Variants in RALGAPA1 observed in about 807,000 individuals in gnomAD.
RALGAPA1 encodes the protein ral GTPase-activating protein subunit alpha-1.
Under a neutral mutation model 269.6 loss-of-function variants are expected in RALGAPA1, and 52 were observed. That is an observed-to-expected ratio of 0.19 (90% confidence interval 0.15 to 0.24). The LOEUF is 0.24. Ranked by LOEUF, RALGAPA1 falls within the 10% of genes least tolerant of loss-of-function variation. RALGAPA1 has a pLI of 1.00. For synonymous variants in RALGAPA1, 817 were observed against 1,008.3 expected, an observed-to-expected ratio of 0.81 and a Z score of 3.60; for missense variants, 1,917 against 3,013.9, an observed-to-expected ratio of 0.64 and a Z score of 8.52.
chr14:35,673,107 A>G, intron 24 of RALGAPA1, 85 bp from the exon 25 acceptor site: 2 of 1,251,462 alleles, frequency 1.6e-6, no homozygotes, highest in Non-Finnish European at 2.1e-6. Flanking sequence ...CAAACGATGT[A>G]TATAATCTCA....
At chr14:35,756,932 A>G in intron 6 of RALGAPA1, 24 bp from the exon 7 acceptor site, 1 of 1,525,076 alleles carries the variant, frequency 6.6e-7, no homozygotes, top group South Asian at 1.4e-5. Context: ...AAAGAATAGT[A>G]TATAGTTACA....
At chr14:35,692,211 T>A (rs912402589) in intron 17 of RALGAPA1, among the ~76,000 whole-genome samples, 7 of 152,110 alleles carry the variant, frequency 4.6e-5, no homozygotes, top group Non-Finnish European at 8.8e-5. Context: ...CTATAAGAAT[T>A]CTTACGAATT....
Position 35,570,630 on chromosome 14 carries a change from A to C in RALGAPA1, c.7483T>G (p.Leu2495Val). 1 of 1,604,452 alleles carries C rather than the reference A, an allele frequency of 6.2e-7. No individual in the cohort carries two copies. Among genetic ancestry groups the C allele is most frequent in the Non-Finnish European group, 8.5e-7 (1 of 1,177,404 alleles). ...AAAAAAGGATACAAGTTTTGATACA[A>C]TGGAATCAGAGATTTCAGAGCACGG... Reference protein sequence around the residue: ...ASRALKSLIPLYQNFYEERAR... With the variant: ...ASRALKSLIPVYQNFYEERAR... Residue 2495 changes from leucine (L) to valine (V), a missense_variant, in exon 39 of 42, where the codon TTG (leucine) becomes GTG (valine). By Grantham distance (32) the Leu-to-Val change is conservative. This residue lies in a region of RALGAPA1 where 91 missense variants were observed against 130.9 expected (regional missense o/e 0.70). Transcript: ENST00000680220.
intron 31 of RALGAPA1, among the ~76,000 whole-genome samples, chr14:35,636,197 C>T (rs2061654888): frequency 6.6e-6 from 1 of 152,072 alleles, no homozygotes; most frequent in African/African-American, 2.4e-5. Flanking sequence ...AAGGTGCACA[C>T]CATCATGCCT....
At chr14:35,652,878 C>T (rs2062935686) in intron 30 of RALGAPA1, among the ~76,000 whole-genome samples, 1 of 151,972 alleles carries the variant, frequency 6.6e-6, no homozygotes, top group Admixed American at 6.6e-5. Context: ...TTTTTATGTG[C>T]ATGTTAAAAA....
chr14:35,664,241 G>A (rs1268018620), intron 27 of RALGAPA1, among the ~76,000 whole-genome samples: 1 of 152,172 alleles, frequency 6.6e-6, no homozygotes, highest in Non-Finnish European at 1.5e-5. Flanking sequence ...GCAGTACAGA[G>A]TTTTCCATTA....
intron 37 of RALGAPA1, among the ~76,000 whole-genome samples, chr14:35,575,322 C>T (rs1257454993): frequency 6.6e-6 from 1 of 152,126 alleles, no homozygotes; most frequent in Non-Finnish European, 1.5e-5. Context: ...CTTTCAACTG[C>T]TACTGAAGTC....
intron 31 of RALGAPA1, among the ~76,000 whole-genome samples, chr14:35,636,267 G>A (rs186159818): frequency 4.1e-4 from 62 of 152,126 alleles, no homozygotes; most frequent in African/African-American, 1.3e-3. Flanking sequence ...ACAAAATGTA[G>A]AATACAATAG....
intron 31 of RALGAPA1, among the ~76,000 whole-genome samples, chr14:35,647,248 T>C (rs541802730): frequency 5.2e-4 from 79 of 152,354 alleles, no homozygotes; most frequent in African/African-American, 1.9e-3. Context: ...ATAAATGTTC[T>C]TTTTGCTTTA....
intron 35 of RALGAPA1, among the ~76,000 whole-genome samples, chr14:35,618,444 TAGAAAAC>T (rs1395661403): frequency 6.6e-6 from 1 of 152,164 alleles, no homozygotes; most frequent in African/African-American, 2.4e-5. Context: ...TAAGAACTCC[TAGAAAAC>T]AGGGTACTTT....
chr14:35,772,502 G>A (rs1246451270), intron 3 of RALGAPA1, among the ~76,000 whole-genome samples: 1 of 151,986 alleles, frequency 6.6e-6, no homozygotes, highest in Non-Finnish European at 1.5e-5. Context: ...GATTATTCTC[G>A]ATCAAGAGCT....
rs368009923 is a variant in RALGAPA1, at chr14:35,780,422, CT to C, written c.107-4678del. On this transcript the variant is annotated intron_variant, in intron 1 of 41. Coordinates refer to ENST00000680220, the MANE Select transcript of RALGAPA1 (RefSeq NM_001346249.2). ...CCATCTAACAACAAAAGAATACAGTCTTTTCAAATGCACATGGTATACTATC... is the reference window on the plus strand; with the variant it reads ...CCATCTAACAACAAAAGAATACAGTCTTTCAAATGCACATGGTATACTATC... Among the ~76,000 whole-genome samples, 911 of 152,254 alleles carry C rather than the reference CT, an allele frequency of 6.0e-3. 11 individuals carry two copies. The highest frequency in any genetic ancestry group is 0.018 in the African/African-American group (766 of 41,560).
At chr14:35,710,418 G>A (rs1436927145) in intron 16 of RALGAPA1, among the ~76,000 whole-genome samples, 2 of 152,096 alleles carry the variant, frequency 1.3e-5, no homozygotes, top group African/African-American at 2.4e-5. Flanking sequence ...AACAAGCCCG[G>A]CTAATTTTTT....
chr14:35,686,591 T>C lies in RALGAPA1; in HGVS notation c.4028A>G (p.Asp1343Gly). The C allele has an allele frequency of 6.2e-7, 1 of 1,610,516 alleles. No homozygotes were observed. Among genetic ancestry groups the C allele is most frequent in the South Asian group, 1.1e-5 (1 of 90,732 alleles). Residue 1343 changes from aspartate to glycine, a missense_variant, in exon 19 of 42, where the codon GAT becomes GGT. This residue lies in a region of RALGAPA1 where 615 missense variants were observed against 790.0 expected (regional missense o/e 0.78). Coordinates refer to ENST00000680220, the MANE Select transcript of RALGAPA1 (RefSeq NM_001346249.2). ...TTCTGCTATAAACTCATCCATCAGA[T>C]CAGGAACATTAGCACTGCTGCCGCC... ...DIGGSSANVPDLMDEFIAERL... is the reference protein window; with the variant it reads ...DIGGSSANVPGLMDEFIAERL...
intron 36 of RALGAPA1, among the ~76,000 whole-genome samples, chr14:35,604,380 A>G (rs762782442): frequency 6.6e-5 from 10 of 152,076 alleles, no homozygotes; most frequent in Non-Finnish European, 1.3e-4. Flanking sequence ...ATATCTAGAA[A>G]AAACTCACAT....
chr14:35,758,243 CAAAAAAAAAAAA>C (rs66473514), intron 6 of RALGAPA1, among the ~76,000 whole-genome samples: 10 of 49,750 alleles, frequency 2.0e-4, no homozygotes, highest in Admixed American at 1.3e-3. Flanking sequence ...GACTCTGTCT[CAAAAAAAAAAAA>C]AAAAAAAAAA....
chr14:35,648,694 G>T (rs1594966548), intron 31 of RALGAPA1, among the ~76,000 whole-genome samples: 1 of 152,022 alleles, frequency 6.6e-6, no homozygotes, highest in African/African-American at 2.4e-5. Context: ...CCCATTTTGG[G>T]GGCTGAGGTG....
chr14:35,670,933 AAAAG>A (rs1401373573), intron 26 of RALGAPA1, among the ~76,000 whole-genome samples: 5 of 149,702 alleles, frequency 3.3e-5, no homozygotes, highest in South Asian at 2.1e-4. Flanking sequence ...CAAAAAAAAA[AAAAG>A]AGAGAGAGAG....
At chr14:35,747,453 A>T (rs1197302671) in intron 10 of RALGAPA1, among the ~76,000 whole-genome samples, 2 of 152,206 alleles carry the variant, frequency 1.3e-5, no homozygotes, top group African/African-American at 4.8e-5. Flanking sequence ...ACAAACCTTA[A>T]ATCTGGCTGG....
Sources: gnomAD v4.1 joint callset for allele counts (sites outside exome capture counted in the v4.1 genomes callset) on GRCh38, gnomAD v4.1.1 for gene constraint, gnomAD v4.1.1 regional missense constraint, MANE v1.5 for transcripts, NCBI Gene and HGNC (gene_info 2026-07-23, HGNC 2026-07-21) for gene names.